The following CDH11 variants were observed in gnomAD, a reference collection of about 807,000 sequenced individuals.
CDH11 encodes cadherin-11.
CDH11 carries 11 observed loss-of-function variants against 67.8 expected under a neutral mutation model. That is an observed-to-expected ratio of 0.16 (90% CI 0.10 to 0.27). The LOEUF (loss-of-function observed/expected upper bound fraction) is 0.27, where lower values mean the gene tolerates loss of function less well. Among genes scored for constraint, CDH11 ranks in the 10% least tolerant of loss-of-function variants. The pLI is 1.00. For missense variants in CDH11, 847 were observed against 1,031.2 expected, an observed-to-expected ratio of 0.82 and a Z score of 2.45; for synonymous variants, 419 against 400.0, an observed-to-expected ratio of 1.05 and a Z score of -0.57.
At chr16:65,012,969 A>G (rs951196152) in intron 2 of CDH11, among the ~76,000 whole-genome samples, 16 of 152,358 alleles carry the variant, frequency 1.1e-4, no homozygotes, top group East Asian at 3.9e-4. Context: ...CTATTGAACC[A>G]TAGTGCAAAC....
chr16:65,068,278 C>A (rs1383817770), intron 1 of CDH11, among the ~76,000 whole-genome samples: 2 of 151,726 alleles, frequency 1.3e-5, no homozygotes, highest in Non-Finnish European at 1.5e-5. Context: ...GAGTGAGGGG[C>A]CTGAAATGCC....
At chr16:64,957,931 G>T (rs2071562905) in intron 11 of CDH11, among the ~76,000 whole-genome samples, 1 of 148,940 alleles carries the variant, frequency 6.7e-6, no homozygotes, top group Non-Finnish European at 1.5e-5. Context: ...ATTTTTAGAA[G>T]TTTGTGACAA....
chr16:65,111,539 G>A (rs1237978812), intron 1 of CDH11, among the ~76,000 whole-genome samples: 1 of 152,182 alleles, frequency 6.6e-6, no homozygotes, highest in Non-Finnish European at 1.5e-5. Flanking sequence ...TCCTCTGGGT[G>A]ATGTGGCTGG....
chr16:65,047,670 G>T (rs919244313), intron 2 of CDH11, among the ~76,000 whole-genome samples: 2 of 151,952 alleles, frequency 1.3e-5, no homozygotes, highest in Admixed American at 6.6e-5. Context: ...AATTTTAACC[G>T]TCTTTATCTA....
chr16:65,061,686 T>A (rs951270679), intron 1 of CDH11, among the ~76,000 whole-genome samples: 1 of 152,244 alleles, frequency 6.6e-6, no homozygotes, highest in Admixed American at 6.5e-5. Context: ...TTAATCATCT[T>A]TGGGGATTTA....
chr16:64,947,889 T>C lies in CDH11; in HGVS notation c.2105A>G (p.Tyr702Cys). The C allele has an allele frequency of 3.1e-6, 5 of 1,614,192 alleles. No individual in the cohort carries two copies. The highest frequency in any genetic ancestry group is 3.4e-6 in the Non-Finnish European group (4 of 1,180,022). The change falls in exon 13 of 13, where the codon TAC becomes TGC. Residue 702 changes from tyrosine (Y) to cysteine (C), a missense_variant. Coordinates refer to ENST00000268603, the MANE Select transcript of CDH11 (RefSeq NM_001797.4). ...TGGCCGGAGCCCAGGTCTAGGCATG[T>C]ACTGATACTCAGGTTTGATGTCTTT... Reference protein sequence around the residue: ...PRKDIKPEYQYMPRPGLRPAP... With the variant: ...PRKDIKPEYQCMPRPGLRPAP...
At chr16:64,973,109 C>T in intron 8 of CDH11, 69 bp from the exon 9 acceptor site, 1 of 1,414,250 alleles carries the variant, frequency 7.1e-7, no homozygotes. Flanking sequence ...AATATTTTCT[C>T]CATGCTATAT....
At chr16:65,005,411 T>C (rs1388489168) in intron 2 of CDH11, among the ~76,000 whole-genome samples, 3 of 152,198 alleles carry the variant, frequency 2.0e-5, no homozygotes, top group Non-Finnish European at 4.4e-5. Flanking sequence ...ACACTGGGGT[T>C]CAGTTTAGGG....
intron 2 of CDH11, among the ~76,000 whole-genome samples, chr16:65,008,553 C>T (rs1027380718): frequency 3.3e-5 from 5 of 152,122 alleles, no homozygotes; most frequent in Admixed American, 3.3e-4. Flanking sequence ...TCTATAACAA[C>T]CTTATGAATA....
At chr16:65,026,416 TCTACCA>T (rs2073535770) in intron 2 of CDH11, among the ~76,000 whole-genome samples, 1 of 152,186 alleles carries the variant, frequency 6.6e-6, no homozygotes, top group African/African-American at 2.4e-5. Context: ...CTATTGCCCT[TCTACCA>T]TTTGACATTG....
upstream of CDH11, among the ~76,000 whole-genome samples, chr16:65,122,900 G>A (rs113224950): frequency 5.3e-5 from 8 of 152,334 alleles, no homozygotes; most frequent in African/African-American, 1.7e-4. Flanking sequence ...CCCGCCGGTA[G>A]TGTCACTTGT....
At chr16:65,109,943 G>C (rs1167309799) in intron 1 of CDH11, among the ~76,000 whole-genome samples, 1 of 152,102 alleles carries the variant, frequency 6.6e-6, no homozygotes, top group Non-Finnish European at 1.5e-5. Context: ...GTGCAGTGGC[G>C]CAATCCCAGC....
At chr16:65,118,280 T>C (rs1278215936) in intron 1 of CDH11, among the ~76,000 whole-genome samples, 1 of 152,088 alleles carries the variant, frequency 6.6e-6, no homozygotes, top group Non-Finnish European at 1.5e-5. Context: ...GCTCCTCGAG[T>C]GTTTTCTTTA....
intron 1 of CDH11, among the ~76,000 whole-genome samples, chr16:65,068,281 G>T (rs2074354240): frequency 6.6e-6 from 1 of 152,030 alleles, no homozygotes; most frequent in African/African-American, 2.4e-5. Flanking sequence ...TGAGGGGCCT[G>T]AAATGCCCTG....
chr16:64,968,327 T>C (rs2071899085), intron 11 of CDH11: 4 of 594,774 alleles, frequency 6.7e-6, no homozygotes, highest in South Asian at 7.3e-5. Flanking sequence ...AGAGGAGAGA[T>C]ATTATCTCAG....
chr16:65,113,675 CTG>C lies in CDH11; in HGVS notation c.-298+8203_-298+8204del, dbSNP rs568314163. 1.0e-3 allele frequency among the ~76,000 whole-genome samples: 158 copies of C among 152,244 alleles called. 1 individual carries two copies. The highest frequency in any genetic ancestry group is 3.7e-3 in the African/African-American group (153 of 41,552). On this transcript the variant is annotated intron_variant, in intron 1 of 12. Coordinates refer to ENST00000268603, the MANE Select transcript of CDH11 (RefSeq NM_001797.4). ...ATGAGGATGGTGAGAGGTCTGGAAA[CTG>C]TATCTCATCAGATTAGCTGACACTG... is the stretch of plus-strand genomic sequence containing the variant.
chr16:64,955,382 G>A (rs1264425591), intron 11 of CDH11, among the ~76,000 whole-genome samples: 2 of 152,074 alleles, frequency 1.3e-5, no homozygotes, highest in African/African-American at 2.4e-5. Context: ...GCAGTGAGCC[G>A]AGATTGTGCC....
chr16:65,116,017 G>A (rs974927304), intron 1 of CDH11, among the ~76,000 whole-genome samples: 3 of 152,098 alleles, frequency 2.0e-5, no homozygotes, highest in South Asian at 2.1e-4. Context: ...GAATCCAGCC[G>A]TGCACTTACA....
chr16:64,992,109 T>C (rs904711354), intron 5 of CDH11, among the ~76,000 whole-genome samples, 174 bp from the exon 6 acceptor site: 1 of 152,220 alleles, frequency 6.6e-6, no homozygotes, highest in African/African-American at 2.4e-5. Context: ...CATTATGTCT[T>C]TTCAAGCAAA....
Sources: gnomAD v4.1 joint callset for allele counts (sites outside exome capture counted in the v4.1 genomes callset) on GRCh38, gnomAD v4.1.1 for gene constraint, MANE v1.5 for transcripts, NCBI Gene and HGNC (gene_info 2026-07-23, HGNC 2026-07-21) for gene names.